The following TNFSF13B variants were observed in gnomAD, a reference collection of about 807,000 sequenced individuals.
TNFSF13B encodes TNF superfamily member 13b.
Under a neutral mutation model 29.1 loss-of-function variants are expected in TNFSF13B, and 8 were observed. The ratio of observed to expected loss-of-function variants is 0.27; its 90% CI spans 0.16 to 0.50. The LOEUF (loss-of-function observed/expected upper bound fraction) is 0.50. Ranked by LOEUF, TNFSF13B falls within the 20% of genes least tolerant of loss-of-function variation. The pLI is 0.98. For missense variants in TNFSF13B, 248 were observed against 334.9 expected (o/e 0.74, Z 2.03); for synonymous variants, 125 against 130.8 (o/e 0.96, Z 0.30).
rs1594538157 is a variant in TNFSF13B, at chr13:108,307,518, G to C, written c.*580G>C. 6.6e-6 allele frequency: 1 copy of C among 151,936 alleles called. No individual in the cohort carries two copies. The highest frequency in any genetic ancestry group is 1.9e-4 in the East Asian group (1 of 5,196). The allele number at this position is 151,936 out of a possible 1,614,324, so 9.4% of individuals were successfully genotyped here. ...ATATGAAACAATTTTGCTGAAAATA[G>C]TATCCATATACTATTTAAGTCTTTT... On this transcript the variant is annotated 3_prime_UTR_variant, in exon 6 of 6. Coordinates refer to ENST00000375887, the MANE Select transcript of TNFSF13B (RefSeq NM_006573.5).
rs187723070 is a variant in TNFSF13B, at chr13:108,291,922, C to T, written c.481+5063C>T. ...CTATTTGCTTTGCTTTTTCTGTTAG[C>T]GTAGACTTCTAAATGCTAAATACTA... is the stretch of plus-strand genomic sequence containing the variant. On this transcript the variant is annotated intron_variant, in intron 3 of 5. Coordinates refer to ENST00000375887, the MANE Select transcript of TNFSF13B (RefSeq NM_006573.5). Among the ~76,000 whole-genome samples, 202 of 152,084 alleles carry T rather than the reference C, an allele frequency of 1.3e-3. 2 individuals carry two copies. The highest frequency in any genetic ancestry group is 4.7e-3 in the African/African-American group (195 of 41,532).
intron 3 of TNFSF13B, among the ~76,000 whole-genome samples, chr13:108,298,775 C>T (rs1881523589): frequency 6.9e-6 from 1 of 145,128 alleles, no homozygotes; most frequent in Non-Finnish European, 1.5e-5. Flanking sequence ...AGTTTGAGAC[C>T]AGCCTGGCCA....
At chr13:108,271,192 T>C (rs1456326667) in intron 2 of TNFSF13B, among the ~76,000 whole-genome samples, 1 of 152,206 alleles carries the variant, frequency 6.6e-6, no homozygotes, top group African/African-American at 2.4e-5. Context: ...ATACATTTAT[T>C]AAAGTTATAA....
intron 3 of TNFSF13B, among the ~76,000 whole-genome samples, chr13:108,296,547 T>C (rs1431914250): frequency 6.9e-6 from 1 of 145,614 alleles, no homozygotes; most frequent in Non-Finnish European, 1.5e-5. Context: ...GTTTGGGCTT[T>C]TAAAAAAATT....
intron 2 of TNFSF13B, among the ~76,000 whole-genome samples, chr13:108,286,348 A>T (rs1412744399): frequency 6.6e-6 from 1 of 151,186 alleles, no homozygotes; most frequent in South Asian, 2.1e-4. Flanking sequence ...TTCAATACGT[A>T]TTAGCATTTT....
At position 108,280,341 on chromosome 13, in the gene TNFSF13B, A is replaced by G. The variant is rs984689311; in HGVS notation, c.425-6462A>G. ...GTATGCATGAGAAAGATAAAGCATT[A>G]TATTTGAGACATGTTGAATCTGAAG... On this transcript the variant is annotated intron_variant, in intron 2 of 5. Transcript: ENST00000375887. Among the ~76,000 whole-genome samples the G allele has an allele frequency of 2.6e-5, 4 of 152,208 alleles. No homozygotes were observed. In the East Asian group the frequency reaches 7.7e-4, roughly 29 times the overall value.
At chr13:108,280,069 CTTT>C (rs35086854) in intron 2 of TNFSF13B, among the ~76,000 whole-genome samples, 5 of 120,006 alleles carry the variant, frequency 4.2e-5, no homozygotes, top group Non-Finnish European at 7.1e-5. Flanking sequence ...ATGGCGTCTG[CTTT>C]TTTTTTTTTT....
At chr13:108,282,115 C>A (rs561313660) in intron 2 of TNFSF13B, among the ~76,000 whole-genome samples, 1 of 152,216 alleles carries the variant, frequency 6.6e-6, no homozygotes, top group African/African-American at 2.4e-5. Context: ...AGGAAAAAAA[C>A]CACACAAAGA....
intron 2 of TNFSF13B, among the ~76,000 whole-genome samples, chr13:108,274,536 A>T (rs550222397): frequency 6.6e-6 from 1 of 152,250 alleles, no homozygotes; most frequent in South Asian, 2.1e-4. Context: ...TAATAAAATT[A>T]GGAAATTCAT....
At chr13:108,284,787 G>A (rs991697587) in intron 2 of TNFSF13B, among the ~76,000 whole-genome samples, 1 of 152,166 alleles carries the variant, frequency 6.6e-6, no homozygotes, top group Non-Finnish European at 1.5e-5. Flanking sequence ...CTGTCAGGGT[G>A]CCTTGTGAAT....
chr13:108,301,714 A>G (rs1333632986), intron 3 of TNFSF13B, among the ~76,000 whole-genome samples: 2 of 152,278 alleles, frequency 1.3e-5, no homozygotes, highest in East Asian at 3.9e-4. Context: ...TACGTTCAAG[A>G]GATCTCGTGT....
In TNFSF13B at chr13:108,298,133, A is replaced by G. The variant is rs891749456; in HGVS notation, c.482-5120A>G. On this transcript the variant is annotated intron_variant, in intron 3 of 5. Transcript: ENST00000375887. ...GCAATTTAAGTTTCCTTCATGATAT[A>G]TCAGTGTAGGTTTATCAATTGTAAT... 2.1e-5 allele frequency among the ~76,000 whole-genome samples: 3 copies of G among 145,306 alleles called. 1 individual carries two copies. Among genetic ancestry groups the G allele is most frequent in the African/African-American group, 7.8e-5 (3 of 38,612 alleles).
intron 2 of TNFSF13B, among the ~76,000 whole-genome samples, chr13:108,283,291 C>T (rs2139051000): frequency 6.6e-6 from 1 of 152,360 alleles, no homozygotes; most frequent in East Asian, 1.9e-4. Flanking sequence ...ATTATTCATT[C>T]TGCATCCCTA....
chr13:108,282,150 A>G (rs752188670), intron 2 of TNFSF13B, among the ~76,000 whole-genome samples: 3 of 152,222 alleles, frequency 2.0e-5, no homozygotes, highest in Non-Finnish European at 4.4e-5. Flanking sequence ...CAGGACTTAC[A>G]TCTCATCTGG....
At chr13:108,284,352 AAATG>A (rs749402000) in intron 2 of TNFSF13B, among the ~76,000 whole-genome samples, 1 of 98,732 alleles carries the variant, frequency 1.0e-5, no homozygotes, top group Non-Finnish European at 2.4e-5. Flanking sequence ...ATAAATAAAT[AAATG>A]AATAAATAAA....
At chr13:108,303,747 T>A (rs993061976) in intron 5 of TNFSF13B, 143 bp downstream of exon 5, 4 of 854,850 alleles carry the variant, frequency 4.7e-6, no homozygotes, top group Admixed American at 2.7e-5. Context: ...TTGTGTTTTT[T>A]AAATCTTGAA....
intron 3 of TNFSF13B, among the ~76,000 whole-genome samples, chr13:108,302,015 T>C (rs1394517669): frequency 1.3e-5 from 2 of 152,222 alleles, no homozygotes; most frequent in East Asian, 1.9e-4. Flanking sequence ...GCATGTACAC[T>C]TGGCAGTTGT....
chr13:108,295,318 G>A (rs1179143516), intron 3 of TNFSF13B, among the ~76,000 whole-genome samples: 1 of 144,666 alleles, frequency 6.9e-6, no homozygotes, highest in Non-Finnish European at 1.5e-5. Flanking sequence ...GGGACTACAG[G>A]CATGTGCCAC....
chr13:108,297,313 A>G lies in TNFSF13B; in HGVS notation c.482-5940A>G, dbSNP rs1162842912. Among the ~76,000 whole-genome samples the G allele has an allele frequency of 2.1e-5, 3 of 145,398 alleles. No individual in the cohort carries two copies. The East Asian group carries it at 5.8e-4, about 28-fold the overall frequency. On this transcript the variant is annotated intron_variant, in intron 3 of 5. Coordinates refer to ENST00000375887, the MANE Select transcript of TNFSF13B (RefSeq NM_006573.5). ...GGTTTTTGATGACAAATCAGCTATT[A>G]ATCTTATTCAGCATATTTTATATTT...
Sources: allele counts gnomAD v4.1 joint callset (sites outside exome capture counted in the v4.1 genomes callset), GRCh38; gene constraint gnomAD v4.1.1; transcripts MANE v1.5; gene names NCBI Gene and HGNC (gene_info 2026-07-23, HGNC 2026-07-21).